Variants in BRD10 observed in about 807,000 individuals in gnomAD.
The protein encoded by BRD10 is bromodomain containing 10.
chr9:5,879,037 T>C, the BRD10 span, among the ~76,000 whole-genome samples: 1 of 152,228 alleles, frequency 6.6e-6, no homozygotes, highest in African/African-American at 2.4e-5. Context: ...CTCTCTGCTG[T>C]TGCCATCTAT....
At chr9:5,958,795 A>G in the BRD10 span, among the ~76,000 whole-genome samples, 61 of 152,260 alleles carry the variant, frequency 4.0e-4, no homozygotes, top group Middle Eastern at 3.4e-3. Flanking sequence ...CATTGTTGCA[A>G]GTAAAAACTC....
At chr9:6,002,233 T>C in the BRD10 span, among the ~76,000 whole-genome samples, 14 of 152,340 alleles carry the variant, frequency 9.2e-5, no homozygotes, top group African/African-American at 3.1e-4. Context: ...GCTCAATAAA[T>C]GTCTTGTTAA....
chr9:5,939,673 T>G, the BRD10 span, among the ~76,000 whole-genome samples: 1 of 152,206 alleles, frequency 6.6e-6, no homozygotes, highest in Non-Finnish European at 1.5e-5. Flanking sequence ...TTGGCAGCAG[T>G]GGACAGAATG....
At chr9:5,932,261 G>C in the BRD10 span, among the ~76,000 whole-genome samples, 3 of 151,838 alleles carry the variant, frequency 2.0e-5, no homozygotes, top group Admixed American at 6.6e-5. Flanking sequence ...ACGGACAAGG[G>C]AAAAACAAAG....
At chr9:5,943,783 T>A in the BRD10 span, among the ~76,000 whole-genome samples, 1 of 152,202 alleles carries the variant, frequency 6.6e-6, no homozygotes, top group Non-Finnish European at 1.5e-5. Flanking sequence ...AACATAATGT[T>A]TTCTTGCTAA....
At chr9:5,905,035 A>C in the BRD10 span, among the ~76,000 whole-genome samples, 1 of 152,076 alleles carries the variant, frequency 6.6e-6, no homozygotes, top group Admixed American at 6.6e-5. Context: ...GACCTCCCAA[A>C]GTGCTGCGAT....
At chr9:5,887,656 A>G in the BRD10 span, among the ~76,000 whole-genome samples, 3 of 152,194 alleles carry the variant, frequency 2.0e-5, no homozygotes, top group Non-Finnish European at 4.4e-5. Flanking sequence ...ATAACCCTGA[A>G]ATTCAGGTTG....
the BRD10 span, chr9:6,007,893 C>T: frequency 2.9e-6 from 4 of 1,368,514 alleles, no homozygotes; most frequent in African/African-American, 1.5e-5. Flanking sequence ...GCGTAGCCCC[C>T]GCCACATCGG....
chr9:6,001,963 A>T, the BRD10 span, among the ~76,000 whole-genome samples: 1 of 152,216 alleles, frequency 6.6e-6, no homozygotes, highest in Non-Finnish European at 1.5e-5. Flanking sequence ...GAATTTCTTC[A>T]ATTAAGGGTT....
the BRD10 span, among the ~76,000 whole-genome samples, chr9:5,911,522 T>TTTTTC: frequency 2.6e-4 from 40 of 151,262 alleles, no homozygotes; most frequent in African/African-American, 8.0e-4. Flanking sequence ...GCTTAGGTCC[T>TTTTTC]TTTTCTTTTC....
At chr9:5,883,018 GGGC>G in the BRD10 span, among the ~76,000 whole-genome samples, 2 of 152,250 alleles carry the variant, frequency 1.3e-5, no homozygotes, top group South Asian at 2.1e-4. Flanking sequence ...GTGGAGTGGG[GGGC>G]TGGGGGAGGG....
At chr9:5,976,047 T>C in the BRD10 span, among the ~76,000 whole-genome samples, 7 of 152,180 alleles carry the variant, frequency 4.6e-5, no homozygotes, top group African/African-American at 1.7e-4. Flanking sequence ...ATAGCATTTA[T>C]TTAGAAATGT....
the BRD10 span, chr9:5,924,598 C>T: frequency 9.5e-7 from 1 of 1,053,010 alleles, no homozygotes; most frequent in African/African-American, 1.6e-5. Flanking sequence ...GCCTTCACAG[C>T]AAACAAAAAC....
chr9:5,915,483 T>A, the BRD10 span, among the ~76,000 whole-genome samples: 1 of 152,344 alleles, frequency 6.6e-6, no homozygotes, highest in South Asian at 2.1e-4. Flanking sequence ...TACTTTCGAA[T>A]ATTCTTCAGT....
chr9:6,000,204 C>A, the BRD10 span, among the ~76,000 whole-genome samples: 1 of 152,036 alleles, frequency 6.6e-6, no homozygotes, highest in African/African-American at 2.4e-5. Flanking sequence ...GACTGTAATG[C>A]ATGCTTATTT....
At chr9:6,002,344 T>C in the BRD10 span, among the ~76,000 whole-genome samples, 1 of 152,188 alleles carries the variant, frequency 6.6e-6, no homozygotes, top group Non-Finnish European at 1.5e-5. Context: ...TAAATAGAAC[T>C]ACATGGAATA....
chr9:5,959,313 T>G, the BRD10 span, among the ~76,000 whole-genome samples: 2 of 152,184 alleles, frequency 1.3e-5, no homozygotes, highest in African/African-American at 4.8e-5. Context: ...TGCAAGATCC[T>G]TTCTCCTAAT....
the BRD10 span, among the ~76,000 whole-genome samples, chr9:5,941,308 C>A: frequency 6.6e-6 from 1 of 151,982 alleles, no homozygotes; most frequent in African/African-American, 2.4e-5. Context: ...AAGCAAAATG[C>A]AAATTTTATC....
At chr9:5,913,684 A>G in the BRD10 span, among the ~76,000 whole-genome samples, 1 of 152,236 alleles carries the variant, frequency 6.6e-6, no homozygotes, top group Admixed American at 6.5e-5. Flanking sequence ...GCAACTTGAA[A>G]TCAGACAAAC....
Sources: gnomAD v4.1 joint callset for allele counts (sites outside exome capture counted in the v4.1 genomes callset) on GRCh38, gnomAD v4.1.1 for gene constraint, MANE v1.5 for transcripts, NCBI Gene and HGNC (gene_info 2026-07-23, HGNC 2026-07-21) for gene names.